Variants in DNAH8 observed in about 807,000 individuals in gnomAD.
DNAH8 encodes dynein axonemal heavy chain 8.
In DNAH8, 382 loss-of-function variants were observed where a neutral mutation model predicts 562.1. The ratio of observed to expected loss-of-function variants is 0.68; its 90% CI spans 0.63 to 0.74. The LOEUF (loss-of-function observed/expected upper bound fraction) is 0.74. Ranked by LOEUF, DNAH8 falls within the 30% of genes least tolerant of loss-of-function variation. DNAH8 has a pLI of 0.00. For synonymous variants in DNAH8, 1,881 were observed against 1,919.4 expected (o/e 0.98, Z 0.52); for missense variants, 5,203 against 5,620.4 (o/e 0.93, Z 2.37).
chr6:38,961,476 C>T (rs1246403404), intron 82 of DNAH8, among the ~76,000 whole-genome samples: 1 of 151,826 alleles, frequency 6.6e-6, no homozygotes, highest in Non-Finnish European at 1.5e-5. Context: ...TTCAATAGAA[C>T]ATCAAGAAAT....
intron 1 of DNAH8, among the ~76,000 whole-genome samples, chr6:38,715,933 T>A (rs192277557): frequency 0.038 from 831 of 21,846 alleles, 15 homozygotes; most frequent in East Asian, 0.063. Context: ...TAAATATATA[T>A]ATATATATAT....
At chr6:38,940,339 G>T (rs1398924096) in intron 79 of DNAH8, among the ~76,000 whole-genome samples, 1 of 152,146 alleles carries the variant, frequency 6.6e-6, no homozygotes, top group Non-Finnish European at 1.5e-5. Flanking sequence ...ATGATTTCTG[G>T]CCTATGCAGA....
In DNAH8 at chr6:39,030,109, G is replaced by T; in HGVS notation, c.13841G>T (p.Gly4614Val). 3 of 1,611,886 alleles carry T rather than the reference G, an allele frequency of 1.9e-6. No individual in the cohort carries two copies. Among genetic ancestry groups the T allele is most frequent in the Non-Finnish European group, 2.5e-6 (3 of 1,178,474 alleles). ...KEEITSPPGE[G>V]VYIYGLYMDG... ...CCTTATGCTTGACTCTTCCAGGAAG[G>T]TGTGTATATTTATGGGCTCTACATG... The change falls in exon 93 of 93, where the codon GGT (glycine) becomes GTT (valine). Residue 4614 changes from glycine to valine, a missense_variant. By Grantham distance (109) the Gly-to-Val change is moderately radical (BLOSUM62 -3). This residue lies in a region of DNAH8 where 1,399 missense variants were observed against 1,518.4 expected (regional missense o/e 0.92). Coordinates refer to ENST00000327475, the MANE Select transcript of DNAH8 (RefSeq NM_001206927.2).
At chr6:38,894,349 A>G (rs1173390190) in intron 58 of DNAH8, among the ~76,000 whole-genome samples, 3 of 152,204 alleles carry the variant, frequency 2.0e-5, no homozygotes, top group Non-Finnish European at 4.4e-5. Flanking sequence ...ATTTCCACAT[A>G]TACTACCAAT....
At position 38,886,892 on chromosome 6, in the gene DNAH8, A is replaced by G; in HGVS notation, c.8361A>G (p.Ala2787=). Residue 2787 remains alanine, a synonymous_variant, in exon 57 of 93, where the codon GCA becomes GCG. Transcript: ENST00000327475. ...FTTIVDVQLI[A]AMIHPGGGRN... ...CTATTGTTGATGTGCAGCTCATAGC[A>G]GCAATGATCCACCCTGGAGGTGGTC... 1 of 1,613,438 alleles carries G rather than the reference A, an allele frequency of 6.2e-7. No homozygotes were observed.
In DNAH8 at chr6:38,899,798, C is replaced by A; in HGVS notation, c.9086C>A (p.Ser3029Ter). The A allele has an allele frequency of 6.2e-7, 1 of 1,613,350 alleles. No homozygotes were observed. Among genetic ancestry groups the A allele is most frequent in the Non-Finnish European group, 8.5e-7 (1 of 1,179,660 alleles). The stretch of plus-strand genomic sequence containing the variant: ...CAGATTTCACGAATAATTCGAACGT[C>A]GTGTGGAAATGCATTGCTGGTGGGT... ...LIKISRIIRT[S>*]CGNALLVGVG... is the part of the protein sequence containing the mutation. Residue 3029 changes from serine to a stop codon, truncating the protein, a stop_gained, in exon 62 of 93, where the codon TCG becomes TAG. Transcript: ENST00000327475. LOFTEE classifies it high-confidence loss of function.
chr6:38,848,835 A>G (rs1775513790), intron 37 of DNAH8, 34 bp downstream of exon 37: 3 of 1,601,450 alleles, frequency 1.9e-6, no homozygotes, highest in Admixed American at 3.3e-5. Flanking sequence ...TGATAAAATA[A>G]TTTGGTGTAT....
chr6:38,867,305 G>A (rs188277906), intron 47 of DNAH8, among the ~76,000 whole-genome samples: 1 of 151,524 alleles, frequency 6.6e-6, no homozygotes, highest in Admixed American at 6.6e-5. Context: ...TCACCACAAG[G>A]TTCCCTCATG....
rs1554139664 is a variant in DNAH8 at position 38,935,700 on chromosome 6, A to G, written c.11563+3A>G. On this transcript the variant is annotated splice_donor_region_variant and intron_variant, in intron 77 of 92. Transcript: ENST00000327475. ...CTATAAATTAAGTGCTACAAAAGGT[A>G]TTGTGTTATTAAGAAGTAATGAAAT... The G allele has an allele frequency of 1.3e-6, 2 of 1,582,510 alleles. No individual in the cohort carries two copies. Among genetic ancestry groups the G allele is most frequent in the East Asian group, 4.5e-5 (2 of 44,600 alleles).
At chr6:38,925,382 C>T (rs540513659) in intron 73 of DNAH8, among the ~76,000 whole-genome samples, 76 of 150,992 alleles carry the variant, frequency 5.0e-4, no homozygotes, top group South Asian at 1.9e-3. Flanking sequence ...GTAGCCCAGA[C>T]GGAAGTGCAG....
chr6:39,009,807 G>A (rs1379955824), intron 89 of DNAH8, among the ~76,000 whole-genome samples: 1 of 152,152 alleles, frequency 6.6e-6, no homozygotes, highest in African/African-American at 2.4e-5. Flanking sequence ...CCATTGTGTA[G>A]ATAGGTACCA....
chr6:38,917,684 T>A (rs1781415029), intron 69 of DNAH8, among the ~76,000 whole-genome samples: 1 of 152,190 alleles, frequency 6.6e-6, no homozygotes, highest in African/African-American at 2.4e-5. Flanking sequence ...GTTGGTGGCA[T>A]TCAGATGCAC....
chr6:39,002,895 G>GCAT lies in DNAH8; in HGVS notation c.13215-5919_13215-5918insCAT, dbSNP rs1765577686. Among the ~76,000 whole-genome samples, 6 of 152,174 alleles carry GCAT rather than the reference G, an allele frequency of 3.9e-5. No homozygotes were observed. The South Asian group carries it at 1.2e-3, about 32-fold the overall frequency. ...ACTGAAAGTTCTGTATGTGAAGCAT[G>GCAT]ACACCTTATGCATTTATCATGGCAT... On this transcript the variant is annotated intron_variant, in intron 88 of 92. Transcript: ENST00000327475.
intron 12 of DNAH8, among the ~76,000 whole-genome samples, chr6:38,775,107 A>G (rs754244620): frequency 1.2e-4 from 18 of 152,170 alleles, no homozygotes; most frequent in Non-Finnish European, 2.4e-4. Flanking sequence ...GAGAGCATTG[A>G]GCATTGTTCT....
At chr6:38,805,343 C>T (rs1771168588) in intron 22 of DNAH8, 138 bp from the exon 23 acceptor site, 6 of 594,930 alleles carry the variant, frequency 1.0e-5, no homozygotes, top group East Asian at 6.3e-5. Context: ...GGAACAAATG[C>T]GAAAAGCATT....
chr6:38,986,465 G>A (rs1275097154), intron 87 of DNAH8, among the ~76,000 whole-genome samples: 1 of 152,052 alleles, frequency 6.6e-6, no homozygotes, highest in Non-Finnish European at 1.5e-5. Flanking sequence ...GACAGTGAAT[G>A]GATATCAGGG....
intron 40 of DNAH8, 63 bp downstream of exon 40, chr6:38,852,861 T>C (rs1775870739): frequency 2.3e-6 from 3 of 1,277,608 alleles, no homozygotes; most frequent in Non-Finnish European, 3.4e-6. Flanking sequence ...TTGAGGAGAA[T>C]ACAGTTCTCT....
intron 22 of DNAH8, among the ~76,000 whole-genome samples, chr6:38,803,997 A>G (rs1398559642): frequency 6.6e-6 from 1 of 152,196 alleles, no homozygotes; most frequent in Non-Finnish European, 1.5e-5. Flanking sequence ...CATAACCTTC[A>G]TTCAGTTGGC....
Position 38,761,706 on chromosome 6 carries a change from C to T in DNAH8, c.1520C>T (p.Thr507Ile). The change falls in exon 11 of 93, where the codon ACA becomes ATA. Residue 507 changes from threonine (T) to isoleucine (I), a missense_variant. Transcript: ENST00000327475. Reference protein sequence around the residue: ...ERMTSLFIKVTNQMVTACKAY... With the variant: ...ERMTSLFIKVINQMVTACKAY... ...TTGTACCTATATTTATTTCAGGTAA[C>T]AAATCAAATGGTAACAGCATGTAAA... 1 of 1,500,522 alleles carries T rather than the reference C, an allele frequency of 6.7e-7. No homozygotes were observed. The highest frequency in any genetic ancestry group is 8.9e-7 in the Non-Finnish European group (1 of 1,119,916). The allele number at this position is 1,500,522 out of a possible 1,614,324, so 93.0% of individuals were successfully genotyped here.
Sources: gnomAD v4.1 joint callset for allele counts (sites outside exome capture counted in the v4.1 genomes callset) on GRCh38, gnomAD v4.1.1 for gene constraint, gnomAD v4.1.1 regional missense constraint, MANE v1.5 for transcripts, NCBI Gene and HGNC (gene_info 2026-07-23, HGNC 2026-07-21) for gene names.